The following NREP variants were observed in gnomAD, a reference collection of about 807,000 sequenced individuals.
NREP encodes the protein neuronal regeneration related protein, also known as neuronal regeneration-related protein.
NREP carries 5 observed loss-of-function variants against 8.6 expected under a neutral mutation model. The observed-to-expected ratio is 0.58, with a 90% CI of 0.30 to 1.22. The LOEUF is 1.22. Ranked by LOEUF, NREP falls within the 50% of genes most tolerant of loss-of-function variation. The probability of loss-of-function intolerance (pLI) is 0.07; values close to 1 mark genes in which losing one functional copy is unlikely to be tolerated. For synonymous variants in NREP, 27 were observed against 28.0 expected (o/e 0.96, Z 0.11); for missense variants, 86 against 82.5 (o/e 1.04, Z -0.17).
At chr5:111,860,262 C>T (rs369716892) in intron 2 of NREP, among the ~76,000 whole-genome samples, 12 of 152,184 alleles carry the variant, frequency 7.9e-5, no homozygotes, top group African/African-American at 2.7e-4. Context: ...TCAGACTACA[C>T]TGAAGACCTT....
intron 2 of NREP, among the ~76,000 whole-genome samples, chr5:111,767,306 A>T (rs1161523576): frequency 6.6e-6 from 1 of 152,140 alleles, no homozygotes; most frequent in Non-Finnish European, 1.5e-5. Flanking sequence ...CAAAAAAAAA[A>T]TCTTATTAGT....
chr5:111,917,775 A>G (rs554394276), intron 2 of NREP, among the ~76,000 whole-genome samples: 1 of 152,356 alleles, frequency 6.6e-6, no homozygotes, highest in East Asian at 1.9e-4. Context: ...AAAAGCTGGA[A>G]GCATTCCCTT....
intron 2 of NREP, among the ~76,000 whole-genome samples, chr5:111,888,837 C>G (rs1264274913): frequency 1.3e-5 from 2 of 152,176 alleles, no homozygotes; most frequent in Non-Finnish European, 2.9e-5. Flanking sequence ...TGCCTTCAGT[C>G]TCTCTCGAGA....
At chr5:111,818,773 G>A (rs1752449966) in intron 2 of NREP, among the ~76,000 whole-genome samples, 1 of 152,174 alleles carries the variant, frequency 6.6e-6, no homozygotes, top group African/African-American at 2.4e-5. Context: ...CAATCTGATT[G>A]TAGTGGTAAG....
At chr5:111,819,973 C>T (rs182054631) in intron 2 of NREP, among the ~76,000 whole-genome samples, 1 of 152,146 alleles carries the variant, frequency 6.6e-6, no homozygotes. Context: ...AAAATTGCCA[C>T]AGATACTGAC....
chr5:111,758,921 T>G (rs369153182), upstream of NREP, among the ~76,000 whole-genome samples: 246 of 152,332 alleles, frequency 1.6e-3, 4 homozygotes, highest in South Asian at 0.05. Flanking sequence ...GGTATGATGT[T>G]TAAGGAGCCC....
At chr5:111,758,420 AACTCGT>A (rs1750867831), upstream of NREP, among the ~76,000 whole-genome samples, 1 of 152,218 alleles carries the variant, frequency 6.6e-6, no homozygotes, top group Admixed American at 6.5e-5. Context: ...GATTTTTGTA[AACTCGT>A]CGTTCTTATT....
At chr5:111,788,064 C>G (rs1751652458) in intron 2 of NREP, among the ~76,000 whole-genome samples, 1 of 152,066 alleles carries the variant, frequency 6.6e-6, no homozygotes, top group South Asian at 2.1e-4. Context: ...ACCCTCCACC[C>G]TGGGTAACAA....
chr5:111,781,589 G>A (rs565148793), intron 2 of NREP, among the ~76,000 whole-genome samples: 1 of 152,198 alleles, frequency 6.6e-6, no homozygotes, highest in Admixed American at 6.5e-5. Context: ...AATAATTATT[G>A]CTTTAAGCCT....
chr5:111,766,133 C>T (rs1002659182), intron 2 of NREP, among the ~76,000 whole-genome samples: 2 of 152,166 alleles, frequency 1.3e-5, no homozygotes, highest in South Asian at 4.1e-4. Context: ...TTCAGTGTTG[C>T]ATATAGCCTT....
chr5:111,817,562 T>C (rs1053520957), intron 2 of NREP, among the ~76,000 whole-genome samples: 2 of 152,096 alleles, frequency 1.3e-5, no homozygotes, highest in Admixed American at 6.5e-5. Flanking sequence ...TCCCAGCACT[T>C]TGGGAGGCCA....
upstream of NREP, chr5:111,758,104 C>T (rs1401184649): frequency 3.0e-6 from 3 of 985,398 alleles, no homozygotes; most frequent in Admixed American, 6.1e-5. Context: ...TGCACACGGC[C>T]TCGGGTCGGA....
At chr5:111,808,212 CT>C (rs1403044355) in intron 2 of NREP, among the ~76,000 whole-genome samples, 1 of 152,226 alleles carries the variant, frequency 6.6e-6, no homozygotes, top group Non-Finnish European at 1.5e-5. Flanking sequence ...GGGCTACCAT[CT>C]CAGGCCCTTC....
intron 2 of NREP, among the ~76,000 whole-genome samples, chr5:111,847,985 T>C (rs1009690016): frequency 6.6e-6 from 1 of 152,178 alleles, no homozygotes; most frequent in African/African-American, 2.4e-5. Context: ...ACGCAGGACC[T>C]AGGAAAGGCT....
rs117083938 is a variant in NREP, at chr5:111,921,448, C to T, written c.135+53826G>A. On this transcript the variant is annotated intron_variant, in intron 2 of 3. Transcript: ENST00000395634. ...TAATTTTTGGGTGGCATCCCTTACT[C>T]TCCCTGATTAGTTGACATAGAAACA... 2.5e-4 allele frequency among the ~76,000 whole-genome samples: 38 copies of T among 152,268 alleles called. No homozygotes were observed. The East Asian group carries it at 6.6e-3, about 26-fold the overall frequency.
chr5:111,957,328 A>G (rs1441702274), intron 2 of NREP, among the ~76,000 whole-genome samples: 1 of 152,018 alleles, frequency 6.6e-6, no homozygotes, highest in Non-Finnish European at 1.5e-5. Context: ...AAAATGTTAA[A>G]TTTCATATAC....
intron 2 of NREP, among the ~76,000 whole-genome samples, chr5:111,780,618 G>T (rs1032031641): frequency 7.2e-5 from 11 of 152,150 alleles, no homozygotes; most frequent in African/African-American, 2.7e-4. Context: ...ATCATGGAAG[G>T]AGACTGGATT....
At chr5:111,916,346 AG>A (rs1429138566) in intron 2 of NREP, among the ~76,000 whole-genome samples, 1 of 151,854 alleles carries the variant, frequency 6.6e-6, no homozygotes, top group African/African-American at 2.4e-5. Flanking sequence ...GAGCCCTCCA[AG>A]CTACAGCATA....
intron 3 of NREP, chr5:111,734,244 G>A (rs897000963): frequency 6.5e-6 from 1 of 153,374 alleles, no homozygotes; most frequent in African/African-American, 2.4e-5. Context: ...TAATGTGAAG[G>A]CCTCAGCTGC....
Sources: gnomAD v4.1 joint callset for allele counts (sites outside exome capture counted in the v4.1 genomes callset) on GRCh38, gnomAD v4.1.1 for gene constraint, MANE v1.5 for transcripts, NCBI Gene and HGNC (gene_info 2026-07-23, HGNC 2026-07-21) for gene names.